The following DCAF8L2 variants were observed in gnomAD, a reference collection of about 807,000 sequenced individuals.
DCAF8L2 encodes DDB1 and CUL4 associated factor 8 like 2, also known as DDB1- and CUL4-associated factor 8-like protein 2.
For missense variants in DCAF8L2, 430 were observed against 490.7 expected (o/e 0.88, Z 1.17); for synonymous variants, 200 against 190.9 (o/e 1.05, Z -0.39).
At chrX:27,538,224 A>G in the DCAF8L2 span, among the ~76,000 whole-genome samples, 4 of 111,353 alleles carry the variant, frequency 3.6e-5, no homozygotes, top group African/African-American at 1.3e-4. Flanking sequence ...ATTCTGAGCT[A>G]TCAAATAATA....
intron 4 of DCAF8L2, among the ~76,000 whole-genome samples, chrX:27,740,450 T>C (rs1035162966): frequency 9.0e-6 from 1 of 111,606 alleles, no homozygotes; most frequent in African/African-American, 3.3e-5. Flanking sequence ...ATACAATGCA[T>C]TCCCCTACTG....
intron 2 of DCAF8L2, among the ~76,000 whole-genome samples, chrX:27,637,623 T>G (rs188353702): frequency 6.3e-4 from 71 of 112,175 alleles, no homozygotes; most frequent in South Asian, 1.1e-3. Flanking sequence ...ATTGATTGGA[T>G]TATCTTTACT....
At chrX:27,482,304 AT>A in the DCAF8L2 span, among the ~76,000 whole-genome samples, 1 of 111,449 alleles carries the variant, frequency 9.0e-6, no homozygotes, top group Non-Finnish European at 1.9e-5. Context: ...AGAACATCAA[AT>A]TTTTTTACAT....
the DCAF8L2 span, among the ~76,000 whole-genome samples, chrX:27,532,856 A>G: frequency 2.2e-4 from 23 of 106,541 alleles, 1 homozygote; most frequent in Non-Finnish European, 2.7e-4. Flanking sequence ...CAGGAGGATC[A>G]CTTGAGGTCA....
intron 3 of DCAF8L2, among the ~76,000 whole-genome samples, chrX:27,702,846 C>G (rs866827197): frequency 9.0e-6 from 1 of 110,912 alleles, no homozygotes. Context: ...GAAGTTCTAG[C>G]CAGGGAAATT....
chrX:27,484,919 G>A, the DCAF8L2 span, among the ~76,000 whole-genome samples: 6 of 111,805 alleles, frequency 5.4e-5, no homozygotes, highest in African/African-American at 1.9e-4. Flanking sequence ...AAGGATATCA[G>A]TAGGAGTTTG....
chrX:27,626,437 ATCC>A (rs1928010702), intron 1 of DCAF8L2, among the ~76,000 whole-genome samples: 1 of 111,985 alleles, frequency 8.9e-6, no homozygotes, highest in Non-Finnish European at 1.9e-5. Context: ...TGCAGGAGTC[ATCC>A]TTCTGTGATC....
At position 27,719,293 on chromosome X, in the gene DCAF8L2, G is replaced by T. The variant is rs139871190; in HGVS notation, c.-59+3122G>T. On this transcript the variant is annotated intron_variant, in intron 4 of 4. Transcript: ENST00000451261. ...TGGCTTTAATTTTAATTTCCTCATG[G>T]TTAATGACATAGAACACTTTTTCTT... Among the ~76,000 whole-genome samples, 1,019 of 110,573 alleles carry T rather than the reference G, an allele frequency of 9.2e-3. 13 individuals are homozygous for T. The highest frequency in any genetic ancestry group is 0.031 in the African/African-American group (946 of 30,400).
intron 3 of DCAF8L2, among the ~76,000 whole-genome samples, chrX:27,704,288 A>G (rs866551565): frequency 9.9e-6 from 1 of 101,476 alleles, no homozygotes; most frequent in Non-Finnish European, 2.0e-5. Flanking sequence ...ACATATATAT[A>G]TACATATATA....
At chrX:27,532,260 G>A in the DCAF8L2 span, among the ~76,000 whole-genome samples, 1 of 110,628 alleles carries the variant, frequency 9.0e-6, no homozygotes, top group African/African-American at 3.3e-5. Context: ...CTGGAACTGG[G>A]AAAGTATAAG....
chrX:27,553,144 T>C, the DCAF8L2 span, among the ~76,000 whole-genome samples: 2 of 112,223 alleles, frequency 1.8e-5, no homozygotes, highest in Non-Finnish European at 3.8e-5. Context: ...AATTCATTTG[T>C]TAGTTCTAAC....
the DCAF8L2 span, among the ~76,000 whole-genome samples, chrX:27,514,679 AAAAAAAAAAAAAAAAAC>A: frequency 1.2e-5 from 1 of 84,344 alleles, no homozygotes; most frequent in African/African-American, 5.1e-5. Context: ...AAAAAAAAAA[AAAAAAAAAAAAAAAAAC>A]AAAAAAAAAA....
At chrX:27,690,433 C>T (rs1930672012) in intron 3 of DCAF8L2, among the ~76,000 whole-genome samples, 1 of 111,390 alleles carries the variant, frequency 9.0e-6, no homozygotes, top group Non-Finnish European at 1.9e-5. Flanking sequence ...TTGACTGTGG[C>T]TCTTAATTTT....
At chrX:27,642,122 T>C (rs1328920728) in intron 2 of DCAF8L2, among the ~76,000 whole-genome samples, 1 of 109,357 alleles carries the variant, frequency 9.1e-6, no homozygotes, top group East Asian at 2.9e-4. Context: ...CTCAATCTCC[T>C]GACCTCGTGA....
chrX:27,511,619 T>C, the DCAF8L2 span, among the ~76,000 whole-genome samples: 1 of 112,479 alleles, frequency 8.9e-6, no homozygotes. Flanking sequence ...ATTCAAGATC[T>C]GAACTGGAGA....
intron 1 of DCAF8L2, among the ~76,000 whole-genome samples, chrX:27,608,518 T>C (rs184278749): frequency 1.6e-4 from 18 of 111,743 alleles, no homozygotes; most frequent in African/African-American, 5.8e-4. Flanking sequence ...TCCAGCTAAC[T>C]TAAGCAACAA....
chrX:27,552,459 G>T, the DCAF8L2 span, among the ~76,000 whole-genome samples: 12 of 111,263 alleles, frequency 1.1e-4, no homozygotes, highest in East Asian at 3.4e-3. Flanking sequence ...AATCCATTTT[G>T]AGGTGATTTT....
the DCAF8L2 span, among the ~76,000 whole-genome samples, chrX:27,484,095 C>A: frequency 9.0e-6 from 1 of 111,195 alleles, no homozygotes. Flanking sequence ...ATTTGAGTAT[C>A]TTAGCATTGC....
intron 1 of DCAF8L2, among the ~76,000 whole-genome samples, chrX:27,629,450 CTT>C (rs1045948706): frequency 4.6e-5 from 5 of 108,831 alleles, no homozygotes; most frequent in African/African-American, 1.7e-4. Flanking sequence ...CCCTTTCTTT[CTT>C]TCTCTCTCTT....
Sources: gnomAD v4.1 joint callset for allele counts (sites outside exome capture counted in the v4.1 genomes callset) on GRCh38, gnomAD v4.1.1 for gene constraint, MANE v1.5 for transcripts, NCBI Gene and HGNC (gene_info 2026-07-23, HGNC 2026-07-21) for gene names.